USP42: variants seen among roughly 807,000 people sequenced by gnomAD.
USP42 encodes ubiquitin specific peptidase 42.
In USP42, 23 loss-of-function variants were observed where a neutral mutation model predicts 113.0. The observed-to-expected ratio is 0.20, with a 90% confidence interval of 0.15 to 0.29. The LOEUF is 0.29. USP42 is among the 10% of genes least tolerant of loss of function. The probability of loss-of-function intolerance (pLI) is 1.00; values close to 1 mark genes in which losing one functional copy is unlikely to be tolerated. For missense variants in USP42, 2,174 were observed against 1,779.8 expected, an observed-to-expected ratio of 1.22 and a Z score of -3.99; for synonymous variants, 933 against 699.0, an observed-to-expected ratio of 1.33 and a Z score of -5.28.
upstream of USP42, among the ~76,000 whole-genome samples, chr7:6,104,540 C>T (rs1008474930): frequency 6.6e-6 from 1 of 152,268 alleles, no homozygotes; most frequent in African/African-American, 2.4e-5. Context: ...TCCCCAGGTG[C>T]CCCGCTTCTG....
Position 6,140,265 on chromosome 7 carries a change from G to T in USP42, c.724+70G>T. On this transcript the variant is annotated intron_variant, in intron 6 of 17. Transcript: ENST00000306177. Reference sequence around the variant, plus strand: ...TTAAAAAATGGTAATAGTAGGACAGGGTTAGTCCTACTAGGAAGGAAGGAA... The same window carrying T: ...TTAAAAAATGGTAATAGTAGGACAGTGTTAGTCCTACTAGGAAGGAAGGAA... The T allele has an allele frequency of 2.9e-6, 4 of 1,375,026 alleles. No homozygotes were observed. In the South Asian group the frequency reaches 4.8e-5, roughly 17 times the overall value. The allele number at this position is 1,375,026 out of a possible 1,614,324, so 85.2% of individuals were successfully genotyped here.
intron 1 of USP42, among the ~76,000 whole-genome samples, chr7:6,109,664 G>T (rs1426116395): frequency 6.7e-6 from 1 of 150,348 alleles, no homozygotes. Context: ...AAAGTGCTGG[G>T]ATTACAGGGG....
At position 6,143,010 on chromosome 7, in the gene USP42, A is replaced by T; in HGVS notation, c.874A>T (p.Ser292Cys). 3.1e-6 allele frequency: 5 copies of T among 1,613,994 alleles called. No individual in the cohort carries two copies. Among genetic ancestry groups the T allele is most frequent in the Non-Finnish European group, 4.2e-6 (5 of 1,179,856 alleles). Reference protein sequence around the residue: ...QLDGENSYKCSKCKKMVPASK... With the variant: ...QLDGENSYKCCKCKKMVPASK... The stretch of plus-strand genomic sequence containing the variant: ...TGATGGAGAAAACTCGTACAAGTGC[A>T]GCAAGTACGTTGGGTGGTGACTTGA... The change falls in exon 8 of 18, where the codon AGC (serine) becomes TGC (cysteine). Residue 292 changes from serine to cysteine, a missense_variant. Coordinates refer to ENST00000306177, the MANE Select transcript of USP42 (RefSeq NM_032172.3).
At chr7:6,105,752 C>T (rs1036063671) in intron 1 of USP42, among the ~76,000 whole-genome samples, 1 of 152,330 alleles carries the variant, frequency 6.6e-6, no homozygotes, top group South Asian at 2.1e-4. Flanking sequence ...GCCAGCTTAC[C>T]TGGAACGGGG....
intron 3 of USP42, among the ~76,000 whole-genome samples, chr7:6,126,986 A>C (rs1466878106): frequency 2.0e-5 from 3 of 152,256 alleles, no homozygotes; most frequent in African/African-American, 7.2e-5. Flanking sequence ...CATCTTTGCC[A>C]ACATTTGCTG....
At chr7:6,156,012 A>G (rs1009982124) in intron 15 of USP42, among the ~76,000 whole-genome samples, 10 of 152,174 alleles carry the variant, frequency 6.6e-5, no homozygotes, top group African/African-American at 2.4e-4. Flanking sequence ...AAGCACTGGG[A>G]TCACAGGCAT....
Position 6,154,746 on chromosome 7 carries a change from C to G in USP42, c.3192C>G (p.Asp1064Glu), listed in dbSNP as rs1451876166. The G allele has an allele frequency of 2.5e-6, 4 of 1,571,774 alleles. No individual in the cohort carries two copies. The highest frequency in any genetic ancestry group is 1.2e-5 in the South Asian group (1 of 85,410). The change falls in exon 15 of 18, where the codon GAC becomes GAG. Residue 1064 changes from aspartate (D) to glutamate (E), a missense_variant. Asp to Glu is a conservative substitution (Grantham distance 45). Transcript: ENST00000306177. ...PRWDRCRYYH[D>E]RYALYAARDW... ...GGGACAGGTGCCGGTACTACCATGA[C>G]AGGTACGCCCTGTACGCTGCCCGGG...
At chr7:6,082,634 A>C in the USP42 span, among the ~76,000 whole-genome samples, 1 of 107,502 alleles carries the variant, frequency 9.3e-6, no homozygotes, top group Non-Finnish European at 1.8e-5. Flanking sequence ...TTTTTGAGAC[A>C]CTGTCTCCCT....
Position 6,156,888 on chromosome 7 carries a change from C to G in USP42, c.3776C>G (p.Pro1259Arg), listed in dbSNP as rs778266356. ...GTTAAAGATTCAGAACTGCACTTAC[C>G]CAGGGTCACCAGCTTGGAGACTGTC... The part of the protein sequence containing the change: ...DFVKDSELHL[P>R]RVTSLETVAQ... Residue 1259 changes from proline to arginine, a missense_variant, in exon 16 of 18, where the codon CCC becomes CGC. Transcript: ENST00000306177. The G allele has an allele frequency of 5.0e-6, 8 of 1,613,514 alleles. No individual in the cohort carries two copies. Among genetic ancestry groups the G allele is most frequent in the South Asian group, 1.1e-5 (1 of 91,018 alleles).
intron 1 of USP42, among the ~76,000 whole-genome samples, chr7:6,108,702 A>G (rs1166692592): frequency 1.3e-5 from 2 of 152,092 alleles, no homozygotes; most frequent in East Asian, 3.9e-4. Flanking sequence ...GATGGTCTCA[A>G]TCTCCTGACC....
upstream of USP42, among the ~76,000 whole-genome samples, chr7:6,104,399 A>T (rs1291808310): frequency 6.6e-6 from 1 of 152,210 alleles, no homozygotes; most frequent in Non-Finnish European, 1.5e-5. Context: ...GTTTCTAAGA[A>T]ACAAAAAATA....
In USP42 at chr7:6,161,014, G is replaced by A. The variant is rs1782746728; in HGVS notation, c.*496G>A. ...TGGAGAGCAGTCTGTTTTCTGTAAT[G>A]TCTGATACTAGAAACTAATTTGCTT... is the stretch of plus-strand genomic sequence containing the variant. On this transcript the variant is annotated 3_prime_UTR_variant, in exon 18 of 18. Transcript: ENST00000306177. 1 of 152,634 alleles carries A rather than the reference G, an allele frequency of 6.6e-6. No individual in the cohort carries two copies. Among genetic ancestry groups the A allele is most frequent in the African/African-American group, 2.4e-5 (1 of 41,456 alleles). The allele number at this position is 152,634 out of a possible 1,614,324, so 9.5% of individuals were successfully genotyped here.
rs1782749565 is a variant in USP42, at chr7:6,161,068, G to GTATTTTATAGACAAGTTCTGTTT, written c.*552_*574dup. ...TTAGTTGTATTCAAGATTTGAAGAT[G>GTATTTTATAGACAAGTTCTGTTT]TATTTTATAGACAAGTTCTGTTTTT... On this transcript the variant is annotated 3_prime_UTR_variant, in exon 18 of 18. Coordinates refer to ENST00000306177, the MANE Select transcript of USP42 (RefSeq NM_032172.3). The GTATTTTATAGACAAGTTCTGTTT allele has an allele frequency of 1.3e-5, 2 of 152,638 alleles. No individual in the cohort carries two copies. The highest frequency in any genetic ancestry group is 6.5e-5 in the Admixed American group (1 of 15,280). 9.5% of individuals were successfully genotyped at this position (152,638 alleles called of 1,614,324 possible).
At chr7:6,155,244 A>T (rs1436632119) in intron 15 of USP42, 49 bp downstream of exon 15, 1 of 1,477,484 alleles carries the variant, frequency 6.8e-7, no homozygotes, top group African/African-American at 1.4e-5. Context: ...TGCTGTCAGC[A>T]GTGGGGCCTG....
At chr7:6,128,960 A>G (rs1780691186) in intron 3 of USP42, among the ~76,000 whole-genome samples, 1 of 152,044 alleles carries the variant, frequency 6.6e-6, no homozygotes. Flanking sequence ...GGCTTGGACT[A>G]CAGCTGTGCG....
the USP42 span, among the ~76,000 whole-genome samples, chr7:6,091,884 C>T: frequency 1.3e-5 from 2 of 150,776 alleles, no homozygotes; most frequent in African/African-American, 5.0e-5. Context: ...ACAGCACTCT[C>T]AATCGGCATT....
Position 6,154,548 on chromosome 7 carries a change from C to G in USP42, c.2994C>G (p.His998Gln). 1 of 1,547,216 alleles carries G rather than the reference C, an allele frequency of 6.5e-7. No homozygotes were observed. Among genetic ancestry groups the G allele is most frequent in the Non-Finnish European group, 8.7e-7 (1 of 1,147,494 alleles). ...RDRQDRHAPE[H>Q]HPGHGDRLSP... is the part of the protein sequence containing the mutation. ...GCCAGGACCGCCACGCCCCGGAGCA[C>G]CACCCCGGCCACGGCGACAGGCTCA... Residue 998 changes from histidine to glutamine, a missense_variant, in exon 15 of 18, where the codon CAC becomes CAG. Transcript: ENST00000306177.
rs867223018 is a variant in USP42, at chr7:6,140,961, C to T, written c.772C>T (p.Leu258Phe). ...KGVSDTFDPYLDITLEIKAAQ... is the reference protein window; with the variant it reads ...KGVSDTFDPYFDITLEIKAAQ... ...CGTTTCAGATACTTTTGATCCATAT[C>T]TTGATATAACATTGGAGATAAAGGT... Residue 258 changes from leucine to phenylalanine, a missense_variant, in exon 7 of 18, where the codon CTT becomes TTT. Transcript: ENST00000306177. 1 of 1,544,144 alleles carries T rather than the reference C, an allele frequency of 6.5e-7. No homozygotes were observed. Among genetic ancestry groups the T allele is most frequent in the Non-Finnish European group, 8.8e-7 (1 of 1,136,274 alleles).
At chr7:6,115,623 A>T in intron 3 of USP42, 100 bp downstream of exon 3, 1 of 1,387,546 alleles carries the variant, frequency 7.2e-7, no homozygotes, top group Non-Finnish European at 9.9e-7. Flanking sequence ...GAGTGCTATG[A>T]TTACTAAGAA....
Sources: gnomAD v4.1 joint callset for allele counts (sites outside exome capture counted in the v4.1 genomes callset) on GRCh38, gnomAD v4.1.1 for gene constraint, MANE v1.5 for transcripts, NCBI Gene and HGNC (gene_info 2026-07-23, HGNC 2026-07-21) for gene names.